The following ADGRL3 variants were observed in gnomAD, a reference collection of about 807,000 sequenced individuals.
ADGRL3 encodes adhesion G protein-coupled receptor L3.
Under a neutral mutation model 153.5 loss-of-function variants are expected in ADGRL3, and 62 were observed. The observed-to-expected ratio is 0.40, with a 90% confidence interval of 0.33 to 0.50. ADGRL3 has a LOEUF of 0.50. Ranked by LOEUF, ADGRL3 falls within the 20% of genes least tolerant of loss-of-function variation. ADGRL3 has a pLI of 0.47. For synonymous variants in ADGRL3, 710 were observed against 672.5 expected (o/e 1.06, Z -0.86); for missense variants, 1,641 against 1,859.4 (o/e 0.88, Z 2.16).
At position 62,007,383 on chromosome 4, in the gene ADGRL3, T is replaced by TATACACAC. The variant is rs71213024; in HGVS notation, c.3395+9119_3395+9120insTACACACA. 2.3e-3 allele frequency among the ~76,000 whole-genome samples: 71 copies of TATACACAC among 30,766 alleles called. 1 individual carries two copies. Among genetic ancestry groups the TATACACAC allele is most frequent in the East Asian group, 0.01 (15 of 1,496 alleles). The allele number at this position is 30,766 out of a possible 152,430, so 20.2% of individuals were successfully genotyped here. A position where few individuals can be genotyped will look rare whatever the true frequency, so the allele number is the denominator to read the frequency against. On this transcript the variant is annotated intron_variant, in intron 21 of 26. Transcript: ENST00000683033. ...ATATATATATATATATATATATATA[T>TATACACAC]ACACACACACACATATATATATACA...
chr4:61,480,865 A>G (rs2098125002), intron 2 of ADGRL3, among the ~76,000 whole-genome samples: 1 of 152,194 alleles, frequency 6.6e-6, no homozygotes, highest in African/African-American at 2.4e-5. Flanking sequence ...TAAAGAAGAC[A>G]TACAAATGGC....
At position 61,813,920 on chromosome 4, in the gene ADGRL3, ACT is replaced by A. The variant is rs1158675481; in HGVS notation, c.1480+34_1480+35del. The A allele has an allele frequency of 5.6e-6, 9 of 1,610,108 alleles. No homozygotes were observed. The South Asian group carries it at 7.7e-5, about 14-fold the overall frequency. ...TTTTTCTTTATATGAAGAAAAAGTA[ACT>A]CTGCTCATTCTTTGATGAAAGCAAT... On this transcript the variant is annotated intron_variant, in intron 9 of 26. Coordinates refer to ENST00000683033, the MANE Select transcript of ADGRL3 (RefSeq NM_001387552.1).
At chr4:61,350,059 T>C (rs1192496489) in intron 1 of ADGRL3, among the ~76,000 whole-genome samples, 1 of 152,182 alleles carries the variant, frequency 6.6e-6, no homozygotes, top group Non-Finnish European at 1.5e-5. Context: ...TTCATTAATT[T>C]CCCAAATATA....
intron 8 of ADGRL3, among the ~76,000 whole-genome samples, chr4:61,789,487 A>T (rs1259700599): frequency 6.6e-6 from 1 of 152,212 alleles, no homozygotes; most frequent in Non-Finnish European, 1.5e-5. Flanking sequence ...TGGCAATTAT[A>T]TGCAAGAAGC....
intron 4 of ADGRL3, among the ~76,000 whole-genome samples, chr4:61,536,289 T>C (rs1037557808): frequency 6.6e-6 from 1 of 152,110 alleles, no homozygotes; most frequent in East Asian, 1.9e-4. Flanking sequence ...TGAGACGTGC[T>C]TTATCGCCAA....
intron 6 of ADGRL3, chr4:61,677,395 AC>A: frequency 4.7e-6 from 2 of 422,922 alleles, no homozygotes; most frequent in Non-Finnish European, 4.5e-6. Context: ...GAAGGAGTAG[AC>A]CAGAAAGAAA....
At chr4:61,677,996 GT>G (rs1032612563) in intron 6 of ADGRL3, among the ~76,000 whole-genome samples, 19 of 152,070 alleles carry the variant, frequency 1.2e-4, no homozygotes, top group African/African-American at 4.6e-4. Context: ...ATTAGAGAAA[GT>G]TTATCTTGTG....
At position 61,257,243 on chromosome 4, in the gene ADGRL3, A is replaced by G. The variant is rs534358045; in HGVS notation, c.-240+55478A>G. Among the ~76,000 whole-genome samples the G allele has an allele frequency of 5.3e-5, 8 of 152,336 alleles. No individual in the cohort carries two copies. In the East Asian group the frequency reaches 1.5e-3, roughly 29 times the overall value. ...CTGACACATTTGCCCTCCTATGAAT[A>G]ATATCACTGTAGTCTGTGATAGATC... On this transcript the variant is annotated intron_variant, in intron 1 of 26. Coordinates refer to ENST00000683033, the MANE Select transcript of ADGRL3 (RefSeq NM_001387552.1).
chr4:61,981,407 C>A (rs2099067881), intron 18 of ADGRL3, among the ~76,000 whole-genome samples: 1 of 123,814 alleles, frequency 8.1e-6, no homozygotes, highest in South Asian at 3.4e-4. Flanking sequence ...TATATGTAAA[C>A]TCTTCCCAAA....
At position 61,560,549 on chromosome 4, in the gene ADGRL3, A is replaced by C. The variant is rs181424396; in HGVS notation, c.260-26678A>C. On this transcript the variant is annotated intron_variant, in intron 4 of 26. Transcript: ENST00000683033. ...TGAGCACCTGTAGTAACTATGGGGG[A>C]TACCTGCCTTTGGAGGTCATTAAGT... Among the ~76,000 whole-genome samples, 17 of 152,172 alleles carry C rather than the reference A, an allele frequency of 1.1e-4. No individual in the cohort carries two copies. In the East Asian group the frequency reaches 1.9e-3, roughly 17 times the overall value.
At chr4:61,986,580 A>G (rs1267703019) in intron 19 of ADGRL3, among the ~76,000 whole-genome samples, 1 of 152,210 alleles carries the variant, frequency 6.6e-6, no homozygotes, top group Non-Finnish European at 1.5e-5. Context: ...TTTATTTCCC[A>G]GACACTGATT....
chr4:62,005,989 CACACACACACACACATAT>C (rs1417842836), intron 21 of ADGRL3, among the ~76,000 whole-genome samples: 1 of 86,186 alleles, frequency 1.2e-5, no homozygotes, highest in African/African-American at 4.2e-5. Context: ...CACACACACA[CACACACACACACACATAT>C]ATATATATAT....
intron 3 of ADGRL3, among the ~76,000 whole-genome samples, chr4:61,506,167 A>G (rs1462394916): frequency 1.3e-5 from 2 of 152,088 alleles, no homozygotes; most frequent in African/African-American, 4.8e-5. Flanking sequence ...TAAATGAGTA[A>G]TTAGGCCTAC....
At chr4:61,827,977 G>C (rs1033393953) in intron 9 of ADGRL3, among the ~76,000 whole-genome samples, 1 of 152,164 alleles carries the variant, frequency 6.6e-6, no homozygotes, top group Non-Finnish European at 1.5e-5. Context: ...TGGTCACCGG[G>C]TGGTTAGTTA....
chr4:61,606,370 A>G (rs1366191993), intron 5 of ADGRL3, among the ~76,000 whole-genome samples: 2 of 152,192 alleles, frequency 1.3e-5, no homozygotes, highest in African/African-American at 4.8e-5. Context: ...GCCATAACAA[A>G]ATACCAGAGA....
chr4:62,004,461 A>G (rs1304701158), intron 21 of ADGRL3, among the ~76,000 whole-genome samples: 2 of 151,968 alleles, frequency 1.3e-5, no homozygotes, highest in Middle Eastern at 3.2e-3. Context: ...AATACTAGTT[A>G]CTGATAAAAA....
At chr4:61,721,858 G>A (rs1359338411) in intron 6 of ADGRL3, among the ~76,000 whole-genome samples, 1 of 152,018 alleles carries the variant, frequency 6.6e-6, no homozygotes, top group Admixed American at 6.6e-5. Context: ...AAAATGTTTG[G>A]CCTTTCAAAT....
At chr4:61,651,617 G>GTT (rs572302103) in intron 5 of ADGRL3, among the ~76,000 whole-genome samples, 4 of 149,426 alleles carry the variant, frequency 2.7e-5, no homozygotes, top group African/African-American at 9.8e-5. Context: ...TTTTGTTTCT[G>GTT]TTTTTTTTTG....
At chr4:61,983,133 G>A (rs1292127755) in intron 18 of ADGRL3, among the ~76,000 whole-genome samples, 1 of 151,836 alleles carries the variant, frequency 6.6e-6, no homozygotes, top group Non-Finnish European at 1.5e-5. Flanking sequence ...TTTTTTCTAA[G>A]TATTATTTTT....
Sources: allele counts gnomAD v4.1 joint callset (sites outside exome capture counted in the v4.1 genomes callset), GRCh38; gene constraint gnomAD v4.1.1; transcripts MANE v1.5; gene names NCBI Gene and HGNC (gene_info 2026-07-23, HGNC 2026-07-21).